The following MAST4 variants were observed in gnomAD, a reference collection of about 807,000 sequenced individuals.
The protein encoded by MAST4 is microtubule associated serine/threonine kinase family member 4.
Under a neutral mutation model 162.7 loss-of-function variants are expected in MAST4, and 89 were observed. That is an observed-to-expected ratio of 0.55 (90% CI 0.46 to 0.65). MAST4 has a LOEUF of 0.65. MAST4 is among the 30% of genes least tolerant of loss of function. MAST4 has a pLI of 0.00. For missense variants in MAST4, 3,153 were observed against 3,374.0 expected (o/e 0.93, Z 1.62); for synonymous variants, 1,479 against 1,361.1 (o/e 1.09, Z -1.91).
chr5:66,840,039 T>C lies in MAST4; in HGVS notation c.642+51245T>C, dbSNP rs150410146. ...GCTTAATTTTACTAGCTTCACTTTT[T>C]TTTTGAGCTTTGGCCTAGTAGTTTA... is the stretch of plus-strand genomic sequence containing the variant. On this transcript the variant is annotated intron_variant, in intron 3 of 28. Coordinates refer to ENST00000403625, the MANE Select transcript of MAST4 (RefSeq NM_001164664.2). 8.5e-3 allele frequency among the ~76,000 whole-genome samples: 1,290 copies of C among 152,266 alleles called. 10 individuals are homozygous for C. The highest frequency in any genetic ancestry group is 0.014 in the Middle Eastern group (4 of 294).
At chr5:66,656,761 T>A (rs760595714) in intron 1 of MAST4, among the ~76,000 whole-genome samples, 1 of 152,218 alleles carries the variant, frequency 6.6e-6, no homozygotes, top group Non-Finnish European at 1.5e-5. Context: ...TAAGAATACC[T>A]CCCAGTTTTA....
intron 1 of MAST4, among the ~76,000 whole-genome samples, chr5:66,650,343 G>A (rs542508654): frequency 3.9e-5 from 6 of 152,050 alleles, no homozygotes; most frequent in Non-Finnish European, 8.8e-5. Flanking sequence ...AGCCTACCTG[G>A]CTCTATGGAA....
At chr5:66,684,468 A>G (rs940496946) in intron 1 of MAST4, among the ~76,000 whole-genome samples, 6 of 152,238 alleles carry the variant, frequency 3.9e-5, no homozygotes, top group Non-Finnish European at 8.8e-5. Flanking sequence ...AGTAGGTTCA[A>G]TTAAATGCGT....
intron 4 of MAST4, among the ~76,000 whole-genome samples, chr5:66,919,383 G>A (rs1025732657): frequency 4.0e-5 from 6 of 151,776 alleles, no homozygotes; most frequent in East Asian, 3.9e-4. Context: ...TAAACAGGCC[G>A]GGCATGGTGG....
chr5:66,828,518 C>T (rs56125086), intron 3 of MAST4, among the ~76,000 whole-genome samples: 36,661 of 152,058 alleles, frequency 0.24, 5,640 homozygotes, highest in Non-Finnish European at 0.35. Context: ...TTAGTGGTCT[C>T]CTGAAATGCC....
rs71626443 is a variant in MAST4 at position 66,828,395 on chromosome 5, C to G, written c.642+39601C>G. Among the ~76,000 whole-genome samples, 1,136 of 152,196 alleles carry G rather than the reference C, an allele frequency of 7.5e-3. 9 individuals carry two copies. Among genetic ancestry groups the G allele is most frequent in the South Asian group, 0.037 (178 of 4,816 alleles). ...AGCTGTGCCCTAGTTTTTCACCATC[C>G]CAGTCAGCGGCTGCCTTTTACAGAG... On this transcript the variant is annotated intron_variant, in intron 3 of 28. Transcript: ENST00000403625.
chr5:66,773,127 G>A (rs1193999431), intron 2 of MAST4, among the ~76,000 whole-genome samples: 3 of 152,178 alleles, frequency 2.0e-5, no homozygotes, highest in African/African-American at 7.2e-5. Flanking sequence ...TTCCCAGTTG[G>A]AAACTGAAAA....
At chr5:67,112,188 G>A (rs1013741416) in intron 11 of MAST4, among the ~76,000 whole-genome samples, 3 of 152,218 alleles carry the variant, frequency 2.0e-5, no homozygotes, top group East Asian at 1.9e-4. Flanking sequence ...TAATAACTGG[G>A]CTTTAAGTCA....
intron 5 of MAST4, among the ~76,000 whole-genome samples, chr5:67,062,706 G>T (rs183231399): frequency 3.8e-4 from 58 of 152,194 alleles, no homozygotes; most frequent in African/African-American, 1.4e-3. Context: ...AGCCTTAATA[G>T]GAATTAAGTT....
chr5:66,959,128 C>G (rs2150152800), intron 4 of MAST4: 1 of 715,538 alleles, frequency 1.4e-6, no homozygotes, highest in African/African-American at 1.7e-5. Flanking sequence ...TCCCCCTCCC[C>G]CTCGAGAGAG....
chr5:66,908,761 A>C (rs1407131881), intron 4 of MAST4, among the ~76,000 whole-genome samples: 2 of 152,178 alleles, frequency 1.3e-5, no homozygotes, highest in Non-Finnish European at 2.9e-5. Context: ...CTGTTAATCA[A>C]TAGGCAATCA....
rs554236312 is a variant in MAST4, at chr5:67,137,075, C to T, written c.2494+411C>T. Among the ~76,000 whole-genome samples the T allele has an allele frequency of 9.9e-5, 15 of 152,270 alleles. 1 individual carries two copies. In the South Asian group the frequency reaches 2.7e-3, roughly 27 times the overall value. ...TTGTCTTTAAATATACATCCCCATA[C>T]GGATTTGACCCAGCACGTTACTATA... is the stretch of plus-strand genomic sequence containing the variant. On this transcript the variant is annotated intron_variant, in intron 19 of 28. Coordinates refer to ENST00000403625, the MANE Select transcript of MAST4 (RefSeq NM_001164664.2).
Position 66,905,324 on chromosome 5 carries a change from AAAAATG to A in MAST4, c.674+5343_674+5348del, listed in dbSNP as rs1393127548. On this transcript the variant is annotated intron_variant, in intron 4 of 28. Coordinates refer to ENST00000403625, the MANE Select transcript of MAST4 (RefSeq NM_001164664.2). ...TCTCAAAAAAAAAAAAAAAAAAAAA[AAAAATG>A]GGATATCCAGCAGCAGGAACCCAAG... 8.3e-4 allele frequency among the ~76,000 whole-genome samples: 123 copies of A among 147,488 alleles called. 3 individuals carry two copies. The South Asian group carries it at 0.022, about 27-fold the overall frequency.
intron 4 of MAST4, among the ~76,000 whole-genome samples, chr5:66,992,520 A>G (rs1750177468): frequency 6.6e-6 from 1 of 152,162 alleles, no homozygotes; most frequent in Non-Finnish European, 1.5e-5. Flanking sequence ...TTCATCTTAA[A>G]GTTTCAGTCC....
Position 67,164,303 on chromosome 5 carries a change from C to A in MAST4, c.5124C>A (p.Pro1708=), listed in dbSNP as rs774395629. The A allele has an allele frequency of 1.9e-6, 3 of 1,613,992 alleles. No individual in the cohort carries two copies. Among genetic ancestry groups the A allele is most frequent in the Non-Finnish European group, 2.5e-6 (3 of 1,179,874 alleles). Reference sequence around the variant, plus strand: ...ACAACCTCTGCCCTGTGCTGAAGCCCAAGATGACAGCTGGCTCCCACGAAT... The same window carrying A: ...ACAACCTCTGCCCTGTGCTGAAGCCAAAGATGACAGCTGGCTCCCACGAAT... ...KEDNLCPVLK[P]KMTAGSHECL... Residue 1708 remains proline (P), a synonymous_variant, in exon 29 of 29, where the codon CCC becomes CCA. Transcript: ENST00000403625. The surrounding 1 kb of genome is among the most constrained non-coding windows in gnomAD (Gnocchi z 5.3).
chr5:66,965,171 T>G (rs968205308), intron 4 of MAST4, among the ~76,000 whole-genome samples: 3 of 148,552 alleles, frequency 2.0e-5, no homozygotes, highest in Non-Finnish European at 4.5e-5. Flanking sequence ...TTATACAGCA[T>G]CCCCTGAATT....
chr5:67,036,681 G>A (rs1756057841), intron 4 of MAST4, among the ~76,000 whole-genome samples: 1 of 152,124 alleles, frequency 6.6e-6, no homozygotes, highest in Admixed American at 6.5e-5. Context: ...ATACCGTATT[G>A]TATAGGGAAT....
At chr5:66,709,851 G>A (rs16895521) in intron 1 of MAST4, among the ~76,000 whole-genome samples, 4 of 152,264 alleles carry the variant, frequency 2.6e-5, no homozygotes, top group African/African-American at 7.2e-5. Flanking sequence ...GTGGATATTA[G>A]GGAGATTTTA....
chr5:66,715,700 T>G (rs1419420360), intron 1 of MAST4, among the ~76,000 whole-genome samples: 1 of 144,374 alleles, frequency 6.9e-6, no homozygotes, highest in African/African-American at 2.6e-5. Flanking sequence ...AAAAAAAAAT[T>G]TAACCTGAAA....
Sources: gnomAD v4.1 joint callset for allele counts (sites outside exome capture counted in the v4.1 genomes callset) on GRCh38, gnomAD v4.1.1 for gene constraint, Gnocchi (gnomAD v3.1) non-coding constraint, MANE v1.5 for transcripts, NCBI Gene and HGNC (gene_info 2026-07-23, HGNC 2026-07-21) for gene names.